Variants in RNFT2 observed in about 807,000 individuals in gnomAD.
The protein encoded by RNFT2 is ring finger protein, transmembrane 2.
A neutral mutation model predicts 53.0 loss-of-function variants in RNFT2; 36 were observed. That is an observed-to-expected ratio of 0.68 (90% CI 0.52 to 0.90). RNFT2 has a LOEUF of 0.90. Among genes scored for constraint, RNFT2 ranks in the 40% least tolerant of loss-of-function variants. The pLI is 0.00. For missense variants in RNFT2, 514 were observed against 585.6 expected (o/e 0.88, Z 1.26); for synonymous variants, 260 against 253.2 (o/e 1.03, Z -0.26).
At chr12:116,773,536 A>G (rs1873290783) in intron 6 of RNFT2, among the ~76,000 whole-genome samples, 1 of 152,200 alleles carries the variant, frequency 6.6e-6, no homozygotes, top group Admixed American at 6.5e-5. Context: ...AATTAAAGAC[A>G]GAGCGCTTCT....
In RNFT2 at chr12:116,852,137, C is replaced by A; in HGVS notation, c.*2689C>A. 1 of 1,025,312 alleles carries A rather than the reference C, an allele frequency of 9.8e-7. No homozygotes were observed. The allele number at this position is 1,025,312 out of a possible 1,614,324, so 63.5% of individuals were successfully genotyped here. A position where few individuals can be genotyped will look rare whatever the true frequency, so the allele number is the denominator to read the frequency against. ...CACGCAGAAGCCACCAGAATCTTGC[C>A]TGCCCTATTCCTCCTCCCAAGTCTG... On this transcript the variant is annotated 3_prime_UTR_variant, in exon 11 of 11. Transcript: ENST00000257575.
intron 3 of RNFT2, among the ~76,000 whole-genome samples, chr12:116,747,471 C>T (rs1871952219): frequency 6.6e-6 from 1 of 151,908 alleles, no homozygotes; most frequent in South Asian, 2.1e-4. Flanking sequence ...GTTTGAGGCT[C>T]TAGGGAGCTA....
intron 7 of RNFT2, among the ~76,000 whole-genome samples, chr12:116,797,936 G>A (rs537107075): frequency 6.6e-6 from 1 of 152,276 alleles, no homozygotes; most frequent in African/African-American, 2.4e-5. Flanking sequence ...CCATGGCAAT[G>A]GTAAACTAAC....
intron 7 of RNFT2, among the ~76,000 whole-genome samples, chr12:116,807,017 C>T (rs928274243): frequency 2.0e-5 from 3 of 152,206 alleles, no homozygotes; most frequent in Non-Finnish European, 4.4e-5. Context: ...GTCACTTTCA[C>T]TTAGATCTCA....
chr12:116,798,645 T>G lies in RNFT2; in HGVS notation c.882+19297T>G, dbSNP rs1192696044. 2.0e-5 allele frequency among the ~76,000 whole-genome samples: 3 copies of G among 152,310 alleles called. No individual in the cohort carries two copies. In the East Asian group the frequency reaches 5.8e-4, roughly 29 times the overall value. On this transcript the variant is annotated intron_variant, in intron 7 of 10. Transcript: ENST00000257575. ...GTGCAGTGGCGTGATCTCAGCTCACTGCAACCTCAGCCTCCCAGGCTGAAG... is the reference window on the plus strand; with the variant it reads ...GTGCAGTGGCGTGATCTCAGCTCACGGCAACCTCAGCCTCCCAGGCTGAAG...
intron 6 of RNFT2, among the ~76,000 whole-genome samples, chr12:116,771,226 G>A (rs187385987): frequency 6.6e-6 from 1 of 151,866 alleles, no homozygotes; most frequent in Admixed American, 6.6e-5. Flanking sequence ...TTGGGAGGCC[G>A]AGATGGGCAG....
intron 7 of RNFT2, among the ~76,000 whole-genome samples, chr12:116,822,169 C>G (rs10850724): frequency 0.65 from 98,143 of 151,840 alleles, 37,482 homozygotes; most frequent in Non-Finnish European, 0.85. Flanking sequence ...GCCCTCCTCT[C>G]TGTCCCCTTA....
At chr12:116,791,333 C>T (rs932818834) in intron 7 of RNFT2, among the ~76,000 whole-genome samples, 2 of 152,154 alleles carry the variant, frequency 1.3e-5, no homozygotes, top group Non-Finnish European at 2.9e-5. Flanking sequence ...TTTTTTGAGA[C>T]GGAGTCTCAC....
rs777778919 is a variant in RNFT2 at position 116,833,892 on chromosome 12, A to G, written c.983A>G (p.Asn328Ser). The change falls in exon 8 of 11, where the codon AAC (asparagine) becomes AGC (serine). Residue 328 changes from asparagine to serine, a missense_variant. Asn to Ser is a conservative substitution (Grantham distance 46, BLOSUM62 1). Around this residue, in one of 3 missense-constraint regions of RNFT2, gnomAD observed 273 missense variants for 334.4 expected, o/e 0.82. Transcript: ENST00000257575. Reference sequence around the variant, plus strand: ...TACATCATGGGTGACGACTCCTCCAACAGCTACTTCCTGGGCGGGGTCCTG... The same window carrying G: ...TACATCATGGGTGACGACTCCTCCAGCAGCTACTTCCTGGGCGGGGTCCTG... ...YKYIMGDDSSNSYFLGGVLIV... is the reference protein window; with the variant it reads ...YKYIMGDDSSSSYFLGGVLIV... The G allele has an allele frequency of 1.2e-6, 2 of 1,612,944 alleles. No individual in the cohort carries two copies. The highest frequency in any genetic ancestry group is 8.5e-7 in the Non-Finnish European group (1 of 1,179,490).
intron 6 of RNFT2, among the ~76,000 whole-genome samples, chr12:116,769,195 CTAA>C (rs1215018188): frequency 1.3e-5 from 2 of 152,090 alleles, no homozygotes; most frequent in Non-Finnish European, 2.9e-5. Context: ...CCTGTCTCTA[CTAA>C]AAATACAAAA....
Position 116,853,166 on chromosome 12 carries a change from A to T in RNFT2, c.*3718A>T. ...CAACACAGGCTACATGAATTCCCCT[A>T]TACCAGTGCGAAAGCAGCCAGGAGT... On this transcript the variant is annotated 3_prime_UTR_variant, in exon 11 of 11. Transcript: ENST00000257575. 1 of 402,900 alleles carries T rather than the reference A, an allele frequency of 2.5e-6. No individual in the cohort carries two copies. The highest frequency in any genetic ancestry group is 3.5e-5 in the East Asian group (1 of 28,250). The allele number at this position is 402,900 out of a possible 1,614,324, so 25.0% of individuals were successfully genotyped here.
In RNFT2 at chr12:116,853,334, G is replaced by A. The variant is rs3088107; in HGVS notation, c.*3886G>A. ...GATTCACTGACTCAAGTTCCACGAA[G>A]TCCTTAGAAATGGACCTCTTCATGT... On this transcript the variant is annotated 3_prime_UTR_variant, in exon 11 of 11. Transcript: ENST00000257575. The A allele has an allele frequency of 0.18, 71,688 of 396,860 alleles. 7,959 individuals carry two copies. Among genetic ancestry groups the A allele is most frequent in the East Asian group, 0.37 (10,335 of 27,970 alleles). The allele number at this position is 396,860 out of a possible 1,614,324, so 24.6% of individuals were successfully genotyped here.
At chr12:116,816,040 C>A (rs1875640820) in intron 7 of RNFT2, among the ~76,000 whole-genome samples, 1 of 152,210 alleles carries the variant, frequency 6.6e-6, no homozygotes, top group South Asian at 2.1e-4. Context: ...TAGCCCAGAG[C>A]ATTTGTGCTT....
At chr12:116,795,595 C>T (rs899431682) in intron 7 of RNFT2, among the ~76,000 whole-genome samples, 6 of 152,132 alleles carry the variant, frequency 3.9e-5, no homozygotes, top group Admixed American at 3.3e-4. Flanking sequence ...AAATGGCTCA[C>T]GGCTACTAGG....
chr12:116,760,718 G>A (rs961370701), intron 5 of RNFT2, among the ~76,000 whole-genome samples: 2 of 152,130 alleles, frequency 1.3e-5, no homozygotes, highest in Non-Finnish European at 2.9e-5. Context: ...GGAGCAGTCC[G>A]TTTCCTTCAG....
Position 116,851,229 on chromosome 12 carries a change from A to T in RNFT2, c.*1781A>T, listed in dbSNP as rs565777061. The T allele has an allele frequency of 6.6e-6, 1 of 151,790 alleles. No homozygotes were observed. The highest frequency in any genetic ancestry group is 2.0e-4 in the East Asian group (1 of 5,126). The allele number at this position is 151,790 out of a possible 1,614,324, so 9.4% of individuals were successfully genotyped here. ...TTTCAGAACCCACATCTAAAAAAAA[A>T]TAAATTTATTAGAGATGAGGTTTCT... On this transcript the variant is annotated 3_prime_UTR_variant, in exon 11 of 11. Transcript: ENST00000257575.
rs541983273 is a variant in RNFT2, at chr12:116,851,690, G to A, written c.*2242G>A. 4.7e-5 allele frequency: 31 copies of A among 657,802 alleles called. No homozygotes were observed. Among genetic ancestry groups the A allele is most frequent in the African/African-American group, 3.1e-4 (17 of 55,614 alleles). 40.7% of individuals were successfully genotyped at this position (657,802 alleles called of 1,614,324 possible). ...CGGGAGGTGAAAGTTGCAGTGAGCC[G>A]AGATTGCACCACAGCACTCCAACCT... On this transcript the variant is annotated 3_prime_UTR_variant, in exon 11 of 11. Transcript: ENST00000257575.
chr12:116,816,298 AG>A (rs1875664438), intron 7 of RNFT2, among the ~76,000 whole-genome samples: 1 of 152,180 alleles, frequency 6.6e-6, no homozygotes, highest in Non-Finnish European at 1.5e-5. Context: ...TCTTAGATCA[AG>A]GGAACCATGG....
At chr12:116,803,821 CA>C (rs902002502) in intron 7 of RNFT2, among the ~76,000 whole-genome samples, 2 of 152,204 alleles carry the variant, frequency 1.3e-5, no homozygotes, top group Admixed American at 1.3e-4. Context: ...ACCTCAACAT[CA>C]GGGGGCCAAT....
Sources: allele counts gnomAD v4.1 joint callset (sites outside exome capture counted in the v4.1 genomes callset), GRCh38; gene constraint gnomAD v4.1.1; regional missense constraint gnomAD v4.1.1; transcripts MANE v1.5; gene names NCBI Gene and HGNC (gene_info 2026-07-23, HGNC 2026-07-21).